ARHGAP6: variants seen among roughly 807,000 people sequenced by gnomAD.
ARHGAP6 encodes rho GTPase-activating protein 6.
ARHGAP6 carries 16 observed loss-of-function variants against 55.7 expected under a neutral mutation model. The ratio of observed to expected loss-of-function variants is 0.29; its 90% CI spans 0.19 to 0.44. The LOEUF is 0.44. Ranked by LOEUF, ARHGAP6 falls within the 20% of genes least tolerant of loss-of-function variation. The pLI is 1.00. For synonymous variants in ARHGAP6, 382 were observed against 360.9 expected, an observed-to-expected ratio of 1.06 and a Z score of -0.66; for missense variants, 698 against 808.9, an observed-to-expected ratio of 0.86 and a Z score of 1.66.
chrX:11,160,687 C>G (rs1411527560), intron 9 of ARHGAP6, among the ~76,000 whole-genome samples: 1 of 111,667 alleles, frequency 9.0e-6, no homozygotes, highest in African/African-American at 3.3e-5. Context: ...TCAAGCTAGT[C>G]TGCAATTCAG....
At chrX:11,275,406 G>T (rs901156913) in intron 1 of ARHGAP6, among the ~76,000 whole-genome samples, 1 of 111,691 alleles carries the variant, frequency 9.0e-6, no homozygotes, top group African/African-American at 3.2e-5. Flanking sequence ...TGGGTTCCCT[G>T]CAGTGACCCA....
At chrX:11,514,537 C>A (rs773861558) in intron 1 of ARHGAP6, among the ~76,000 whole-genome samples, 3 of 110,092 alleles carry the variant, frequency 2.7e-5, no homozygotes, top group African/African-American at 9.9e-5. Flanking sequence ...GCTGTGACAA[C>A]CAAAATCTCT....
chrX:11,221,375 T>C (rs757386181), intron 2 of ARHGAP6: 292 of 154,093 alleles, frequency 1.9e-3, no homozygotes, highest in African/African-American at 8.5e-3. Context: ...CTAGAAGATA[T>C]TGCAGGTATG....
In ARHGAP6 at chrX:11,143,582, C is replaced by G. The variant is rs1207921837; in HGVS notation, c.2176+398G>C. 8 of 922,256 alleles carry G rather than the reference C, an allele frequency of 8.7e-6. No homozygotes were observed. In the East Asian group the frequency reaches 3.3e-4, roughly 39 times the overall value. 76.0% of individuals were successfully genotyped at this position (922,256 alleles called of 1,213,427 possible). A position where few individuals can be genotyped will look rare whatever the true frequency, so the allele number is the denominator to read the frequency against. ...GTCTTCATACATATAGTAGGTTCAG[C>G]TTGTTTTCTTTAGAAATGTAACAGC... is the stretch of plus-strand genomic sequence containing the variant. On this transcript the variant is annotated intron_variant, in intron 11 of 12. Coordinates refer to ENST00000337414, the MANE Select transcript of ARHGAP6 (RefSeq NM_013427.3).
intron 1 of ARHGAP6, among the ~76,000 whole-genome samples, chrX:11,340,374 TCTC>T (rs1477881630): frequency 8.9e-6 from 1 of 111,772 alleles, no homozygotes; most frequent in African/African-American, 3.3e-5. Context: ...GCTGGCTTCT[TCTC>T]CTCCTCCAGT....
intron 1 of ARHGAP6, among the ~76,000 whole-genome samples, chrX:11,494,304 A>G (rs1438067971): frequency 8.0e-5 from 9 of 112,110 alleles, no homozygotes; most frequent in Non-Finnish European, 1.1e-4. Flanking sequence ...AATCCACACA[A>G]AATGGTCAGA....
intron 9 of ARHGAP6, among the ~76,000 whole-genome samples, chrX:11,157,576 C>T (rs985127466): frequency 8.9e-6 from 1 of 112,139 alleles, no homozygotes; most frequent in Non-Finnish European, 1.9e-5. Flanking sequence ...GTTTCTTATT[C>T]CATAGAAGCT....
chrX:11,143,513 C>G, intron 11 of ARHGAP6: 1 of 794,402 alleles, frequency 1.3e-6, no homozygotes, highest in Non-Finnish European at 1.5e-6. Flanking sequence ...CAGTATAGTG[C>G]TCTCTTGTCA....
chrX:11,342,571 G>A (rs2048720583), intron 1 of ARHGAP6, among the ~76,000 whole-genome samples: 1 of 111,837 alleles, frequency 8.9e-6, no homozygotes, highest in Non-Finnish European at 1.9e-5. Context: ...TATGTACTAG[G>A]AATTATGTCA....
chrX:11,338,963 A>G (rs1382939358), intron 1 of ARHGAP6, among the ~76,000 whole-genome samples: 1 of 111,872 alleles, frequency 8.9e-6, no homozygotes, highest in African/African-American at 3.3e-5. Flanking sequence ...AGAGCTCTAA[A>G]TGCTGGCACT....
At chrX:11,532,977 A>G (rs113672508) in intron 1 of ARHGAP6, among the ~76,000 whole-genome samples, 9,643 of 111,781 alleles carry the variant, frequency 0.086, 465 homozygotes, top group East Asian at 0.19. Flanking sequence ...AGAGAGAAAC[A>G]AACTTGCAGT....
intron 1 of ARHGAP6, among the ~76,000 whole-genome samples, chrX:11,258,085 C>A (rs2047514494): frequency 1.8e-5 from 2 of 111,401 alleles, no homozygotes. Context: ...GATTTTCCTC[C>A]ATAGACGATG....
intron 1 of ARHGAP6, among the ~76,000 whole-genome samples, chrX:11,337,295 A>T (rs1345068050): frequency 4.5e-5 from 5 of 111,692 alleles, no homozygotes; most frequent in African/African-American, 1.6e-4. Flanking sequence ...ATAATACGTC[A>T]CCTAGCAATG....
At chrX:11,571,090 T>C (rs2051509823) in intron 1 of ARHGAP6, among the ~76,000 whole-genome samples, 1 of 111,924 alleles carries the variant, frequency 8.9e-6, no homozygotes, top group Admixed American at 9.5e-5. Flanking sequence ...AGGGTCTTGA[T>C]CTTGGACTTC....
rs756066163 is a variant in ARHGAP6, at chrX:11,490,294, G to T, written c.588+173947C>A. 8.9e-5 allele frequency among the ~76,000 whole-genome samples: 10 copies of T among 111,904 alleles called. No homozygotes were observed. The East Asian group carries it at 2.5e-3, about 28-fold the overall frequency. ...GCCATGTTGAGAGGTCTGGAAAAGG[G>T]ACAGGAGGCAAGGAATGAGGGTGGA... On this transcript the variant is annotated intron_variant, in intron 1 of 12. Coordinates refer to ENST00000337414, the MANE Select transcript of ARHGAP6 (RefSeq NM_013427.3).
At chrX:11,549,371 T>C (rs749095306) in intron 1 of ARHGAP6, among the ~76,000 whole-genome samples, 12 of 111,922 alleles carry the variant, frequency 1.1e-4, no homozygotes, top group Non-Finnish European at 2.3e-4. Flanking sequence ...ATAAAATACT[T>C]GCAAACTATT....
At chrX:11,331,775 G>A (rs1272804732) in intron 1 of ARHGAP6, among the ~76,000 whole-genome samples, 2 of 112,027 alleles carry the variant, frequency 1.8e-5, no homozygotes, top group African/African-American at 3.2e-5. Flanking sequence ...TTGGAGGTCT[G>A]AGACCATCAC....
intron 1 of ARHGAP6, among the ~76,000 whole-genome samples, chrX:11,390,954 G>A (rs997789388): frequency 1.1e-4 from 12 of 111,788 alleles, no homozygotes; most frequent in Non-Finnish European, 1.9e-4. Flanking sequence ...CCCAGACATC[G>A]CATTACTGGG....
At position 11,139,032 on chromosome X, in the gene ARHGAP6, T is replaced by C; in HGVS notation, c.2756A>G (p.Gln919Arg). The change falls in exon 13 of 13, where the codon CAG becomes CGG. Residue 919 changes from glutamine (Q) to arginine (R), a missense_variant. Around this residue, in one of 3 missense-constraint regions of ARHGAP6, gnomAD observed 212 missense variants for 208.7 expected, o/e 1.02. Transcript: ENST00000337414. The part of the protein sequence containing the change: ...DQGGQAAERE[Q>R]QVTQKKLSSA... Reference sequence around the variant, plus strand: ...GCTCAGTTTTTTCTGCGTGACCTGCTGCTCTCGCTCGGCTGCTTGGCCTCC... The same window carrying C: ...GCTCAGTTTTTTCTGCGTGACCTGCCGCTCTCGCTCGGCTGCTTGGCCTCC... The C allele has an allele frequency of 8.3e-7, 1 of 1,208,543 alleles. No homozygotes were observed. The highest frequency in any genetic ancestry group is 1.1e-6 in the Non-Finnish European group (1 of 894,391).
Sources: allele counts gnomAD v4.1 joint callset (sites outside exome capture counted in the v4.1 genomes callset), GRCh38; gene constraint gnomAD v4.1.1; regional missense constraint gnomAD v4.1.1; transcripts MANE v1.5; gene names NCBI Gene and HGNC (gene_info 2026-07-23, HGNC 2026-07-21).